The following RBM17 variants were observed in gnomAD, a reference collection of about 807,000 sequenced individuals.
RBM17 encodes the protein splicing factor 45.
RBM17 carries 7 observed loss-of-function variants against 53.2 expected under a neutral mutation model. The ratio of observed to expected loss-of-function variants is 0.13; its 90% CI spans 0.07 to 0.25. The LOEUF is 0.25. RBM17 is among the 10% of genes least tolerant of loss of function. The pLI is 1.00. For synonymous variants in RBM17, 167 were observed against 178.1 expected (o/e 0.94, Z 0.50); for missense variants, 257 against 496.7 (o/e 0.52, Z 4.59).
At chr10:6,104,784 G>T in intron 3 of RBM17, 147 bp from the exon 4 acceptor site, 1 of 626,512 alleles carries the variant, frequency 1.6e-6, no homozygotes, top group Non-Finnish European at 2.7e-6. Context: ...GGCCTTGTCT[G>T]GTATTTGTTT....
chr10:6,112,163 G>T lies in RBM17; in HGVS notation c.705-47G>T. 6.3e-7 allele frequency: 1 copy of T among 1,592,686 alleles called. No homozygotes were observed. Among genetic ancestry groups the T allele is most frequent in the Non-Finnish European group, 8.5e-7 (1 of 1,173,002 alleles). On this transcript the variant is annotated intron_variant, in intron 7 of 11. Transcript: ENST00000379888. The surrounding 1 kb of genome is among the most constrained non-coding windows in gnomAD (Gnocchi z 4.4). Reference sequence around the variant, plus strand: ...GATGGAAAAATGCAACCTATCTCCAGTTGACGATGTCAAGGCTAAGAGTCC... The same window carrying T: ...GATGGAAAAATGCAACCTATCTCCATTTGACGATGTCAAGGCTAAGAGTCC...
rs1345451823 is a variant in RBM17 at position 6,105,094 on chromosome 10, A to G, written c.404A>G (p.Glu135Gly). 1 of 1,612,528 alleles carries G rather than the reference A, an allele frequency of 6.2e-7. No individual in the cohort carries two copies. Among genetic ancestry groups the G allele is most frequent in the East Asian group, 2.2e-5 (1 of 44,866 alleles). The change falls in exon 4 of 12, where the codon GAA becomes GGA. Residue 135 changes from glutamate (E) to glycine (G), a missense_variant. By Grantham distance (98) the Glu-to-Gly change is moderately conservative (BLOSUM62 -2). Transcript: ENST00000379888. ...AGACAAAAGGAAATAGAAGAAAGGG[A>G]AAAGTAAGGCTTCCTTTGGATTTGG... ...LERQKEIEER[E>G]KRRKDRHEAS...
At chr10:6,107,895 G>C (rs1840777691) in intron 5 of RBM17, among the ~76,000 whole-genome samples, 1 of 152,104 alleles carries the variant, frequency 6.6e-6, no homozygotes, top group Non-Finnish European at 1.5e-5. Flanking sequence ...TAATACATAT[G>C]TATTATGTAA....
intron 9 of RBM17, 80 bp from the exon 10 acceptor site, chr10:6,113,969 C>G: frequency 1.1e-6 from 1 of 893,922 alleles, no homozygotes; most frequent in Non-Finnish European, 1.8e-6. Context: ...TTTACCATCA[C>G]TAAGTCATAT....
chr10:6,108,594 G>A (rs1840789995), intron 5 of RBM17, 92 bp from the exon 6 acceptor site: 2 of 942,540 alleles, frequency 2.1e-6, no homozygotes, highest in African/African-American at 1.7e-5. Flanking sequence ...TTTTTTCTTA[G>A]GGGGGTGGGT....
chr10:6,113,492 G>C lies in RBM17; in HGVS notation c.857-16G>C. On this transcript the variant is annotated splice_polypyrimidine_tract_variant and intron_variant, in intron 8 of 11. Coordinates refer to ENST00000379888, the MANE Select transcript of RBM17 (RefSeq NM_032905.5). ...GCTCAGTTCTGTAACACATCTAATG[G>C]TATGTTTTGATACAGATGCATCCAA... is the stretch of plus-strand genomic sequence containing the variant. The C allele has an allele frequency of 4.4e-6, 7 of 1,575,110 alleles. No individual in the cohort carries two copies. The highest frequency in any genetic ancestry group is 2.6e-6 in the Non-Finnish European group (3 of 1,144,776).
At chr10:6,102,149 C>T (rs1268130274) in intron 3 of RBM17, among the ~76,000 whole-genome samples, 2 of 152,192 alleles carry the variant, frequency 1.3e-5, no homozygotes, top group Non-Finnish European at 2.9e-5. Flanking sequence ...CAAATAATGA[C>T]TGTGGTCATT....
At chr10:6,108,653 C>T in intron 5 of RBM17, 33 bp from the exon 6 acceptor site, 1 of 1,589,916 alleles carries the variant, frequency 6.3e-7, no homozygotes, top group Admixed American at 1.7e-5. Context: ...GCATCGGAAA[C>T]CTCCTTTAAT....
intron 2 of RBM17, among the ~76,000 whole-genome samples, chr10:6,100,984 A>G (rs981169635): frequency 1.6e-4 from 24 of 152,240 alleles, no homozygotes; most frequent in South Asian, 2.1e-4. Flanking sequence ...GAAGGATTCT[A>G]TATCCTAGTA....
In RBM17 at chr10:6,110,031, A is replaced by C; in HGVS notation, c.608A>C (p.Gln203Pro). The change falls in exon 7 of 12, where the codon CAG becomes CCG. Residue 203 changes from glutamine (Q) to proline (P), a missense_variant. This residue lies in a region of RBM17 where 68 missense variants were observed against 60.0 expected (regional missense o/e 1.13). Coordinates refer to ENST00000379888, the MANE Select transcript of RBM17 (RefSeq NM_032905.5). ...GAAGAGGACTCAAGACCTCGATCACAGTCTTCCAAAGCAGCCATTCCTCCC... is the reference window on the plus strand; with the variant it reads ...GAAGAGGACTCAAGACCTCGATCACCGTCTTCCAAAGCAGCCATTCCTCCC... ...PYEEDSRPRS[Q>P]SSKAAIPPPV... is the part of the protein sequence containing the mutation. 6.2e-7 allele frequency: 1 copy of C among 1,613,248 alleles called. No homozygotes were observed. Among genetic ancestry groups the C allele is most frequent in the Non-Finnish European group, 8.5e-7 (1 of 1,179,418 alleles).
rs372850758 is a variant in RBM17 at position 6,110,069 on chromosome 10, G to A, written c.646G>A (p.Glu216Lys). The A allele has an allele frequency of 6.2e-7, 1 of 1,612,468 alleles. No individual in the cohort carries two copies. Among genetic ancestry groups the A allele is most frequent in the African/African-American group, 1.3e-5 (1 of 74,830 alleles). ...KAAIPPPVYE[E>K]QDRPRSPTGP... ...AGCCATTCCTCCCCCAGTGTACGAG[G>A]AACAAGACAGACCGAGATCTCCAAC... Residue 216 changes from glutamate (E) to lysine (K), a missense_variant, in exon 7 of 12, where the codon GAA (glutamate) becomes AAA (lysine). Transcript: ENST00000379888.
At chr10:6,113,644 C>T in intron 9 of RBM17, 63 bp downstream of exon 9, 1 of 1,033,108 alleles carries the variant, frequency 9.7e-7, no homozygotes. Flanking sequence ...CCCCAGCCTA[C>T]CCTGCTCCCC....
rs977731622 is a variant in RBM17, at chr10:6,116,369, A to C, written c.*813A>C. 6.6e-6 allele frequency: 1 copy of C among 152,340 alleles called. No individual in the cohort carries two copies. Among genetic ancestry groups the C allele is most frequent in the Non-Finnish European group, 1.5e-5 (1 of 68,032 alleles). The allele number at this position is 152,340 out of a possible 1,614,324, so 9.4% of individuals were successfully genotyped here. A position where few individuals can be genotyped will look rare whatever the true frequency, so the allele number is the denominator to read the frequency against. On this transcript the variant is annotated 3_prime_UTR_variant, in exon 12 of 12. Transcript: ENST00000379888. ...CCTTGGGGTCATGTTTCTACTGGCA[A>C]AATTTGCAATAGTGTTCTATTGTAT... is the stretch of plus-strand genomic sequence containing the variant.
At chr10:6,109,322 C>T (rs922025487) in intron 6 of RBM17, among the ~76,000 whole-genome samples, 21 of 152,168 alleles carry the variant, frequency 1.4e-4, no homozygotes, top group African/African-American at 4.8e-4. Context: ...CTATCCCAAG[C>T]AGATATTCTC....
chr10:6,108,132 T>C (rs563674793), intron 5 of RBM17, among the ~76,000 whole-genome samples: 2 of 152,302 alleles, frequency 1.3e-5, no homozygotes, highest in Non-Finnish European at 2.9e-5. Context: ...CTTTCAAATA[T>C]GTGTTTAGTT....
intron 2 of RBM17, 68 bp from the exon 3 acceptor site, chr10:6,101,203 T>G: frequency 2.1e-6 from 2 of 968,974 alleles, no homozygotes; most frequent in South Asian, 3.7e-5. Context: ...AAAGAAAATC[T>G]TTGTTGCAAA....
intron 7 of RBM17, among the ~76,000 whole-genome samples, chr10:6,111,823 C>T (rs1840842666): frequency 6.6e-6 from 1 of 152,190 alleles, no homozygotes; most frequent in African/African-American, 2.4e-5. Context: ...GGATCATCTT[C>T]ATTGTACGAA....
At position 6,116,763 on chromosome 10, in the gene RBM17, T is replaced by TTC. The variant is rs1315182444; in HGVS notation, c.*1207_*1208insTC. On this transcript the variant is annotated 3_prime_UTR_variant, in exon 12 of 12. Coordinates refer to ENST00000379888, the MANE Select transcript of RBM17 (RefSeq NM_032905.5). Reference sequence around the variant, plus strand: ...GGACTTGGTTTGGAGACATAAGGAATATTCTGACCCTTTTTAAAAAAGGAT... The same window carrying TTC: ...GGACTTGGTTTGGAGACATAAGGAATTCATTCTGACCCTTTTTAAAAAAGGAT... The TTC allele has an allele frequency of 1.3e-5, 2 of 152,398 alleles. No individual in the cohort carries two copies. Among genetic ancestry groups the TTC allele is most frequent in the Non-Finnish European group, 2.9e-5 (2 of 68,044 alleles). 9.4% of individuals were successfully genotyped at this position (152,398 alleles called of 1,614,324 possible). A position where few individuals can be genotyped will look rare whatever the true frequency, so the allele number is the denominator to read the frequency against.
rs1313092060 is a variant in RBM17, at chr10:6,115,940, T to C, written c.*384T>C. On this transcript the variant is annotated 3_prime_UTR_variant, in exon 12 of 12. Coordinates refer to ENST00000379888, the MANE Select transcript of RBM17 (RefSeq NM_032905.5). ...GGGTTATATTAAATTATTCTTTGTT[T>C]TTCTTTTTCTTTTAATAAAGCCTGC... The C allele has an allele frequency of 1.3e-5, 2 of 155,830 alleles. No homozygotes were observed. The highest frequency in any genetic ancestry group is 2.8e-5 in the Non-Finnish European group (2 of 70,618). 9.7% of individuals were successfully genotyped at this position (155,830 alleles called of 1,614,324 possible). A position where few individuals can be genotyped will look rare whatever the true frequency, so the allele number is the denominator to read the frequency against.
Sources: gnomAD v4.1 joint callset for allele counts (sites outside exome capture counted in the v4.1 genomes callset) on GRCh38, gnomAD v4.1.1 for gene constraint, gnomAD v4.1.1 regional missense constraint, Gnocchi (gnomAD v3.1) non-coding constraint, MANE v1.5 for transcripts, NCBI Gene and HGNC (gene_info 2026-07-23, HGNC 2026-07-21) for gene names.